MEGF11: variants seen among roughly 807,000 people sequenced by gnomAD.
MEGF11 encodes the protein multiple epidermal growth factor-like domains protein 11.
A neutral mutation model predicts 146.6 loss-of-function variants in MEGF11; 126 were observed. The observed-to-expected ratio is 0.86, with a 90% CI of 0.74 to 1.00. The LOEUF is 1.00. Among genes scored for constraint, MEGF11 ranks in the 50% least tolerant of loss-of-function variants. The probability of loss-of-function intolerance (pLI) is 0.00; values close to 1 mark genes in which losing one functional copy is unlikely to be tolerated. For missense variants in MEGF11, 1,509 were observed against 1,521.2 expected, an observed-to-expected ratio of 0.99 and a Z score of 0.13; for synonymous variants, 532 against 583.4, an observed-to-expected ratio of 0.91 and a Z score of 1.27.
intron 1 of MEGF11, among the ~76,000 whole-genome samples, chr15:66,171,181 C>T (rs1323043173): frequency 6.6e-6 from 1 of 152,240 alleles, no homozygotes; most frequent in African/African-American, 2.4e-5. Context: ...ACGGTGACCA[C>T]AGCACCAATG....
intron 1 of MEGF11, among the ~76,000 whole-genome samples, chr15:66,242,417 A>G (rs1317802232): frequency 1.4e-5 from 2 of 144,284 alleles, no homozygotes; most frequent in Admixed American, 7.0e-5. Context: ...TAAAAAAAAA[A>G]AGAAAGAAAG....
chr15:66,114,738 G>A (rs2087633426), intron 4 of MEGF11, among the ~76,000 whole-genome samples: 1 of 142,054 alleles, frequency 7.0e-6, no homozygotes, highest in Non-Finnish European at 1.6e-5. Flanking sequence ...GGACTCCGCT[G>A]TAGCTGTAGA....
intron 1 of MEGF11, among the ~76,000 whole-genome samples, chr15:66,155,197 G>T (rs2089710917): frequency 6.6e-6 from 1 of 152,230 alleles, no homozygotes; most frequent in Non-Finnish European, 1.5e-5. Flanking sequence ...GTGCCTCAGT[G>T]TTGCAAGGTC....
At chr15:65,899,072 C>G in intron 24 of MEGF11, 138 bp from the exon 25 acceptor site, 1 of 815,218 alleles carries the variant, frequency 1.2e-6, no homozygotes, top group Non-Finnish European at 1.9e-6. Flanking sequence ...GATTTATTTA[C>G]TTATTAAATG....
At chr15:66,041,666 G>A (rs998905586) in intron 5 of MEGF11, among the ~76,000 whole-genome samples, 8 of 152,218 alleles carry the variant, frequency 5.3e-5, no homozygotes, top group East Asian at 1.9e-4. Context: ...GAGTGGAATC[G>A]TTGCGACAGA....
intron 21 of MEGF11, 88 bp from the exon 22 acceptor site, chr15:65,909,894 C>G: frequency 8.5e-7 from 1 of 1,182,854 alleles, no homozygotes; most frequent in Non-Finnish European, 1.2e-6. Context: ...AGTGCACACA[C>G]CCTGTAATAA....
chr15:65,949,828 A>G (rs895157411), intron 10 of MEGF11, among the ~76,000 whole-genome samples: 2 of 152,242 alleles, frequency 1.3e-5, no homozygotes, highest in African/African-American at 4.8e-5. Flanking sequence ...AGGCTCCATC[A>G]GTCTGGCCGC....
intron 5 of MEGF11, among the ~76,000 whole-genome samples, chr15:66,019,785 T>C (rs770711803): frequency 1.3e-5 from 2 of 152,230 alleles, no homozygotes; most frequent in Non-Finnish European, 2.9e-5. Context: ...AAAGACAATA[T>C]GAAAAACCTC....
intron 5 of MEGF11, among the ~76,000 whole-genome samples, chr15:65,992,769 T>C (rs2082094709): frequency 6.6e-6 from 1 of 151,974 alleles, no homozygotes; most frequent in Non-Finnish European, 1.5e-5. Context: ...GCAGGTATGA[T>C]CTTGTTCAAT....
intron 7 of MEGF11, among the ~76,000 whole-genome samples, chr15:65,976,293 G>C (rs1391957482): frequency 6.6e-6 from 1 of 152,098 alleles, no homozygotes; most frequent in South Asian, 2.1e-4. Context: ...CACCCGCCTC[G>C]GCCTCCCAAA....
In MEGF11 at chr15:65,916,252, T is replaced by C. The variant is rs1289498737; in HGVS notation, c.2240A>G (p.Lys747Arg). ...ACACTGGCATACGCGCCCACAGTCC[T>C]TCCCAAAAAATGCTGCTGGGCAGCC... ...TQRCPAAFFG[K>R]DCGRVCQCQN... The change falls in exon 18 of 26, where the codon AAG (lysine) becomes AGG (arginine). Residue 747 changes from lysine to arginine, a missense_variant. By Grantham distance (26) the Lys-to-Arg change is conservative. Transcript: ENST00000395614. 1.3e-6 allele frequency: 2 copies of C among 1,557,610 alleles called. No individual in the cohort carries two copies. The highest frequency in any genetic ancestry group is 2.7e-5 in the African/African-American group (2 of 73,486).
In MEGF11 at chr15:65,897,891, G is replaced by C. The variant is rs1415105031; in HGVS notation, c.*43C>G. 1.3e-6 allele frequency: 2 copies of C among 1,572,506 alleles called. No homozygotes were observed. Reference sequence around the variant, plus strand: ...AAGGGACTGTCTTCTTTCAGAGTCAGAATATTCAGTAGAGCACACTGCAAG... The same window carrying C: ...AAGGGACTGTCTTCTTTCAGAGTCACAATATTCAGTAGAGCACACTGCAAG... On this transcript the variant is annotated 3_prime_UTR_variant, in exon 26 of 26. Coordinates refer to ENST00000395614, the MANE Select transcript of MEGF11 (RefSeq NM_001385028.1).
At chr15:66,168,526 T>G (rs2090160458) in intron 1 of MEGF11, among the ~76,000 whole-genome samples, 1 of 152,162 alleles carries the variant, frequency 6.6e-6, no homozygotes, top group South Asian at 2.1e-4. Context: ...GCTCAGTGAC[T>G]TACAGATGGG....
chr15:65,899,580 C>A lies in MEGF11; in HGVS notation c.3056-646G>T, dbSNP rs774967916. Among the ~76,000 whole-genome samples, 3 of 152,284 alleles carry A rather than the reference C, an allele frequency of 2.0e-5. No individual in the cohort carries two copies. In the South Asian group the frequency reaches 6.2e-4, roughly 32 times the overall value. ...ATGCATGTTTTAGCACAGATGTCAGCAATTTGACAGCCTATAAGTGGCAGA... is the reference window on the plus strand; with the variant it reads ...ATGCATGTTTTAGCACAGATGTCAGAAATTTGACAGCCTATAAGTGGCAGA... On this transcript the variant is annotated intron_variant, in intron 24 of 25. Coordinates refer to ENST00000395614, the MANE Select transcript of MEGF11 (RefSeq NM_001385028.1).
chr15:66,136,541 A>T (rs2088897186), intron 1 of MEGF11, among the ~76,000 whole-genome samples: 1 of 152,202 alleles, frequency 6.6e-6, no homozygotes, highest in African/African-American at 2.4e-5. Context: ...AGGCCAGGGG[A>T]TTCTGAAGCC....
At chr15:66,103,127 A>C (rs1423130093) in intron 4 of MEGF11, among the ~76,000 whole-genome samples, 1 of 152,252 alleles carries the variant, frequency 6.6e-6, no homozygotes, top group African/African-American at 2.4e-5. Flanking sequence ...AGTGGGACAG[A>C]TGGCTGGATA....
At chr15:65,986,167 G>T (rs1331895131) in intron 5 of MEGF11, among the ~76,000 whole-genome samples, 1 of 151,946 alleles carries the variant, frequency 6.6e-6, no homozygotes, top group African/African-American at 2.4e-5. Context: ...TGGCCAGGCT[G>T]GTCTCGAACT....
At chr15:66,242,496 AG>A (rs1275685815) in intron 1 of MEGF11, among the ~76,000 whole-genome samples, 1 of 32,066 alleles carries the variant, frequency 3.1e-5, no homozygotes, top group Non-Finnish European at 6.1e-5. Context: ...GGAGATAGGG[AG>A]GGAGGGAGGG....
chr15:65,949,837 G>A (rs1295742913), intron 10 of MEGF11, among the ~76,000 whole-genome samples: 4 of 152,144 alleles, frequency 2.6e-5, no homozygotes, highest in African/African-American at 7.2e-5. Flanking sequence ...CAGTCTGGCC[G>A]CCTAGGTGAG....
Sources: allele counts gnomAD v4.1 joint callset (sites outside exome capture counted in the v4.1 genomes callset), GRCh38; gene constraint gnomAD v4.1.1; transcripts MANE v1.5; gene names NCBI Gene and HGNC (gene_info 2026-07-23, HGNC 2026-07-21).